Variants in HSPA12A observed in about 807,000 individuals in gnomAD.
HSPA12A encodes the protein heat shock 70 kDa protein 12A.
In HSPA12A, 28 loss-of-function variants were observed where a neutral mutation model predicts 69.2. That is an observed-to-expected ratio of 0.40 (90% confidence interval 0.30 to 0.55). The LOEUF (loss-of-function observed/expected upper bound fraction) is 0.55, where lower values mean the gene tolerates loss of function less well. Among genes scored for constraint, HSPA12A ranks in the 20% least tolerant of loss-of-function variants. The pLI, the probability that HSPA12A is intolerant of heterozygous loss-of-function variation, is 0.38. For missense variants in HSPA12A, 686 were observed against 900.7 expected (o/e 0.76, Z 3.05); for synonymous variants, 345 against 370.5 (o/e 0.93, Z 0.79).
intron 3 of HSPA12A, 125 bp from the exon 4 acceptor site, chr10:116,701,254 C>G: frequency 1.2e-6 from 1 of 831,700 alleles, no homozygotes. Flanking sequence ...CACTCTGCTT[C>G]AGCTGGATGA....
intron 1 of HSPA12A, among the ~76,000 whole-genome samples, chr10:116,839,603 G>A (rs548311234): frequency 2.2e-4 from 15 of 69,300 alleles, no homozygotes; most frequent in African/African-American, 7.0e-4. Context: ...GATGCCTACC[G>A]TAAAAAAAAA....
At chr10:116,738,035 G>T (rs1353541500) in intron 1 of HSPA12A, among the ~76,000 whole-genome samples, 1 of 152,154 alleles carries the variant, frequency 6.6e-6, no homozygotes, top group Non-Finnish European at 1.5e-5. Flanking sequence ...AAAAGCCCCT[G>T]ATTCCTCCCC....
At chr10:116,759,425 C>T (rs1554889097) in intron 2 of HSPA12A, among the ~76,000 whole-genome samples, 1 of 152,162 alleles carries the variant, frequency 6.6e-6, no homozygotes, top group Admixed American at 6.5e-5. Flanking sequence ...GCCAACCTCT[C>T]CTCACTTCTT....
exon 2 of HSPA12A, chr10:116,834,996 G>A: frequency 4.1e-6 from 5 of 1,231,556 alleles, no homozygotes; most frequent in Non-Finnish European, 5.1e-6. Context: ...TACACCCACA[G>A]AATCCGTACA....
intron 2 of HSPA12A, among the ~76,000 whole-genome samples, chr10:116,782,171 C>T (rs1182194007): frequency 1.3e-5 from 2 of 152,046 alleles, no homozygotes; most frequent in African/African-American, 2.4e-5. Flanking sequence ...AAAGTGAGAC[C>T]ATAAGATGAG....
intron 1 of HSPA12A, among the ~76,000 whole-genome samples, chr10:116,736,396 C>G (rs188032610): frequency 4.1e-4 from 63 of 152,254 alleles, no homozygotes; most frequent in African/African-American, 1.4e-3. Context: ...CTCCAACACC[C>G]CAAACCTAGG....
At position 116,698,726 on chromosome 10, in the gene HSPA12A, T is replaced by A. The variant is rs782489280; in HGVS notation, c.455A>T (p.Asp152Val). ...KLHTTGDLTMDTDLTAANGKK... is the reference protein window; with the variant it reads ...KLHTTGDLTMVTDLTAANGKK... The stretch of plus-strand genomic sequence containing the variant: ...GCCATTTGCTGCCGTCAGGTCTGTA[T>A]CCATGGTGAGGTCCTGGTAGGAGGA... Residue 152 changes from aspartate (D) to valine (V), a missense_variant, in exon 5 of 12, where the codon GAT becomes GTT. Transcript: ENST00000369209. 1 of 1,613,628 alleles carries A rather than the reference T, an allele frequency of 6.2e-7. No homozygotes were observed. Among genetic ancestry groups the A allele is most frequent in the African/African-American group, 1.3e-5 (1 of 74,924 alleles).
At chr10:116,741,299 C>T (rs1851497887) in intron 1 of HSPA12A, among the ~76,000 whole-genome samples, 1 of 152,274 alleles carries the variant, frequency 6.6e-6, no homozygotes, top group African/African-American at 2.4e-5. Context: ...AGACAGGGAA[C>T]CCAGCGCAGA....
intron 2 of HSPA12A, chr10:116,750,039 C>G: frequency 3.7e-6 from 1 of 273,920 alleles, no homozygotes; most frequent in South Asian, 8.1e-5. Flanking sequence ...TACAACATGC[C>G]CAAATACAGG....
At chr10:116,773,669 G>A (rs1454634350) in intron 2 of HSPA12A, among the ~76,000 whole-genome samples, 1 of 152,206 alleles carries the variant, frequency 6.6e-6, no homozygotes, top group Admixed American at 6.5e-5. Context: ...GTCAACTGCA[G>A]CCTGAGAAAG....
intron 2 of HSPA12A, among the ~76,000 whole-genome samples, chr10:116,805,776 C>G (rs1438131722): frequency 6.6e-6 from 1 of 152,176 alleles, no homozygotes; most frequent in African/African-American, 2.4e-5. Flanking sequence ...TTTTAAGAAG[C>G]CCTTCAACTA....
rs781813261 is a variant in HSPA12A at position 116,674,893 on chromosome 10, C to T, written c.1916G>A (p.Arg639Gln). The T allele has an allele frequency of 4.0e-5, 65 of 1,613,970 alleles. No individual in the cohort carries two copies. Among genetic ancestry groups the T allele is most frequent in the Middle Eastern group, 1.6e-4 (1 of 6,084 alleles). ...CTGCATAAGGGTCTGGATCTCCCTC[C>T]GGGCGGGCACCGCAGTGCCACTGGT... ...TGTSGTAVPA[R>Q]REIQTLMQFG... The change falls in exon 12 of 12, where the codon CGG (arginine) becomes CAG (glutamine). Residue 639 changes from arginine (R) to glutamine (Q), a missense_variant. Coordinates refer to ENST00000369209, the MANE Select transcript of HSPA12A (RefSeq NM_025015.3).
rs1400356307 is a variant in HSPA12A, at chr10:116,673,491, G to A, written c.*1290C>T. The A allele has an allele frequency of 1.3e-5, 2 of 152,178 alleles. No individual in the cohort carries two copies. Among genetic ancestry groups the A allele is most frequent in the Non-Finnish European group, 2.9e-5 (2 of 68,036 alleles). The allele number at this position is 152,178 out of a possible 1,614,324, so 9.4% of individuals were successfully genotyped here. On this transcript the variant is annotated 3_prime_UTR_variant, in exon 12 of 12. Coordinates refer to ENST00000369209, the MANE Select transcript of HSPA12A (RefSeq NM_025015.3). ...TGAACTTCAACAAAATCTCAGGTTA[G>A]TATTTCTCCAATTTCAGTTGAACCA...
chr10:116,726,190 G>C (rs1460594322), intron 1 of HSPA12A, among the ~76,000 whole-genome samples: 1 of 152,006 alleles, frequency 6.6e-6, no homozygotes, highest in Non-Finnish European at 1.5e-5. Context: ...TCTCACTACC[G>C]AATATTTACC....
intron 1 of HSPA12A, among the ~76,000 whole-genome samples, chr10:116,848,387 G>A (rs541838800): frequency 6.6e-6 from 1 of 152,334 alleles, no homozygotes; most frequent in South Asian, 2.1e-4. Flanking sequence ...ACCCATACGT[G>A]CATGTATTGA....
intron 2 of HSPA12A, among the ~76,000 whole-genome samples, chr10:116,825,366 C>T (rs1845484085): frequency 6.6e-6 from 1 of 151,814 alleles, no homozygotes; most frequent in African/African-American, 2.4e-5. Context: ...AAAAAATTAC[C>T]AGGGCATGGT....
chr10:116,796,470 T>A (rs1844828720), intron 2 of HSPA12A, among the ~76,000 whole-genome samples: 1 of 152,034 alleles, frequency 6.6e-6, no homozygotes, highest in Non-Finnish European at 1.5e-5. Context: ...CTGCTCTGGG[T>A]CTCTGGACCC....
intron 2 of HSPA12A, among the ~76,000 whole-genome samples, chr10:116,784,380 C>T (rs1019892287): frequency 6.6e-6 from 1 of 152,244 alleles, no homozygotes; most frequent in Admixed American, 6.5e-5. Flanking sequence ...TTTCTCTGTT[C>T]TGCAGAGCAT....
chr10:116,788,866 ATTT>A (rs34187640), intron 2 of HSPA12A, among the ~76,000 whole-genome samples: 4 of 138,636 alleles, frequency 2.9e-5, no homozygotes, highest in Non-Finnish European at 6.2e-5. Context: ...CTACGCAGCT[ATTT>A]TTTTTTTTTT....
Sources: allele counts gnomAD v4.1 joint callset (sites outside exome capture counted in the v4.1 genomes callset), GRCh38; gene constraint gnomAD v4.1.1; transcripts MANE v1.5; gene names NCBI Gene and HGNC (gene_info 2026-07-23, HGNC 2026-07-21).